The following PBX4 variants were observed in gnomAD, a reference collection of about 807,000 sequenced individuals.
The protein encoded by PBX4 is PBX homeobox 4, also known as pre-B-cell leukemia transcription factor 4.
PBX4 carries 26 observed loss-of-function variants against 35.1 expected under a neutral mutation model. The observed-to-expected ratio is 0.74, with a 90% CI of 0.54 to 1.03. The LOEUF (loss-of-function observed/expected upper bound fraction) is 1.03. PBX4 is among the 50% of genes least tolerant of loss of function. The probability of loss-of-function intolerance (pLI) is 0.00; values close to 1 mark genes in which losing one functional copy is unlikely to be tolerated. For synonymous variants in PBX4, 199 were observed against 204.2 expected (o/e 0.97, Z 0.22); for missense variants, 448 against 504.3 (o/e 0.89, Z 1.07).
Position 19,599,370 on chromosome 19 carries a change from A to G in PBX4, c.120-5T>C. On this transcript the variant is annotated splice_polypyrimidine_tract_variant and splice_region_variant and intron_variant, in intron 1 of 7. Transcript: ENST00000251203. ...TGGCAATTCAGAGCATGCTTTCTGA[A>G]AGGGAGGTGACAGAGGAGGGTGTGA... 6.2e-7 allele frequency: 1 copy of G among 1,611,838 alleles called. No individual in the cohort carries two copies. The highest frequency in any genetic ancestry group is 8.5e-7 in the Non-Finnish European group (1 of 1,178,132).
At chr19:19,605,324 G>T (rs2061623331) in intron 1 of PBX4, among the ~76,000 whole-genome samples, 1 of 151,034 alleles carries the variant, frequency 6.6e-6, no homozygotes, top group Non-Finnish European at 1.5e-5. Flanking sequence ...GCTGAGGCAG[G>T]AGAATCACTT....
intron 2 of PBX4, chr19:19,588,236 C>T (rs2061502904): frequency 7.3e-7 from 1 of 1,362,784 alleles, no homozygotes. Context: ...AGGGCCTCCA[C>T]AGATCACACA....
At chr19:19,574,533 T>C (rs144794347) in intron 2 of PBX4, among the ~76,000 whole-genome samples, 2,297 of 152,224 alleles carry the variant, frequency 0.015, 76 homozygotes, top group South Asian at 0.075. Flanking sequence ...CTCAGTCTCT[T>C]TGGGCTGCAC....
At chr19:19,605,034 A>G (rs1375321411) in intron 1 of PBX4, among the ~76,000 whole-genome samples, 1 of 152,088 alleles carries the variant, frequency 6.6e-6, no homozygotes, top group Admixed American at 6.6e-5. Flanking sequence ...CATCTTCTGG[A>G]AATTTAACTT....
At chr19:19,613,075 G>A (rs988416748) in intron 1 of PBX4, among the ~76,000 whole-genome samples, 6 of 151,736 alleles carry the variant, frequency 4.0e-5, no homozygotes, top group African/African-American at 1.5e-4. Context: ...CTCCTGCCTC[G>A]GCCTCCCAAA....
chr19:19,563,710 C>T lies in PBX4; in HGVS notation c.926-95G>A. Reference sequence around the variant, plus strand: ...AGCCGGCAGGAGGCCTCGAATGTGGCTCCTGCCCCTCCTCAGCATCCGGCC... The same window carrying T: ...AGCCGGCAGGAGGCCTCGAATGTGGTTCCTGCCCCTCCTCAGCATCCGGCC... On this transcript the variant is annotated intron_variant, in intron 6 of 7. Transcript: ENST00000251203. This position sits in a 1 kb window ranked among gnomAD's most constrained non-coding sequence, Gnocchi z 5.1. 9.8e-7 allele frequency: 1 copy of T among 1,018,374 alleles called. No homozygotes were observed. Among genetic ancestry groups the T allele is most frequent in the Non-Finnish European group, 1.5e-6 (1 of 667,378 alleles). The allele number at this position is 1,018,374 out of a possible 1,614,324, so 63.1% of individuals were successfully genotyped here. A position where few individuals can be genotyped will look rare whatever the true frequency, so the allele number is the denominator to read the frequency against.
chr19:19,618,058 G>T (rs886816265), intron 1 of PBX4, among the ~76,000 whole-genome samples: 2 of 152,166 alleles, frequency 1.3e-5, no homozygotes, highest in Admixed American at 6.5e-5. Context: ...CTACTCGGGA[G>T]GCTGAGGCAG....
At chr19:19,601,987 G>A (rs545483906) in intron 1 of PBX4, among the ~76,000 whole-genome samples, 7 of 152,174 alleles carry the variant, frequency 4.6e-5, no homozygotes, top group East Asian at 1.9e-4. Flanking sequence ...CAAGAGGCAC[G>A]CACCAACACA....
intron 1 of PBX4, among the ~76,000 whole-genome samples, chr19:19,602,526 G>A (rs879435948): frequency 9.2e-5 from 14 of 151,958 alleles, no homozygotes; most frequent in South Asian, 4.1e-4. Flanking sequence ...TGCTGTGCCC[G>A]AACTCAAGCA....
intron 2 of PBX4, among the ~76,000 whole-genome samples, chr19:19,598,297 C>CA (rs1555739218): frequency 3.9e-5 from 5 of 129,248 alleles, no homozygotes; most frequent in Non-Finnish European, 7.9e-5. Flanking sequence ...CTTTTCTTTC[C>CA]TTTTTTTTTT....
intron 2 of PBX4, among the ~76,000 whole-genome samples, chr19:19,585,942 G>T (rs2061486125): frequency 6.6e-6 from 1 of 152,178 alleles, no homozygotes; most frequent in Non-Finnish European, 1.5e-5. Flanking sequence ...CTCACAGAAA[G>T]CCTGTTTGGT....
chr19:19,567,139 TG>T (rs2061347620), intron 5 of PBX4, among the ~76,000 whole-genome samples: 1 of 152,178 alleles, frequency 6.6e-6, no homozygotes, highest in African/African-American at 2.4e-5. Flanking sequence ...TTGATCCACA[TG>T]GGAGGCCCCA....
At position 19,599,343 on chromosome 19, in the gene PBX4, G is replaced by T. The variant is rs151162080; in HGVS notation, c.142C>A (p.Arg48=). 4.3e-5 allele frequency: 70 copies of T among 1,613,186 alleles called. No homozygotes were observed. Among genetic ancestry groups the T allele is most frequent in the Non-Finnish European group, 5.8e-5 (69 of 1,179,502 alleles). ...ACGCTGAACAGAGCAGGCTTCATCC[G>T]ATGGCAATTCAGAGCATGCTTTCTG... ...QARKHALNCH[R]MKPALFSVLC... is the part of the protein sequence containing the mutation. The change falls in exon 2 of 8, where the codon CGG becomes AGG. Residue 48 remains arginine, a synonymous_variant. Coordinates refer to ENST00000251203, the MANE Select transcript of PBX4 (RefSeq NM_025245.3).
intron 5 of PBX4, among the ~76,000 whole-genome samples, chr19:19,566,373 A>C (rs1210074886): frequency 6.6e-6 from 1 of 152,222 alleles, no homozygotes; most frequent in Non-Finnish European, 1.5e-5. Flanking sequence ...GGGCAGATTC[A>C]CATGGGTGAG....
At chr19:19,610,242 C>A (rs1421308158) in intron 1 of PBX4, among the ~76,000 whole-genome samples, 1 of 151,938 alleles carries the variant, frequency 6.6e-6, no homozygotes, top group East Asian at 1.9e-4. Context: ...GGAGAAACCT[C>A]GTCTCTACTG....
chr19:19,574,952 T>C (rs553372294), intron 2 of PBX4, among the ~76,000 whole-genome samples: 1 of 152,276 alleles, frequency 6.6e-6, no homozygotes, highest in Admixed American at 6.5e-5. Context: ...CCCAAAGTGC[T>C]GGGATTACAG....
rs558909570 is a variant in PBX4, at chr19:19,562,924, A to G, written c.1032+585T>C. Among the ~76,000 whole-genome samples the G allele has an allele frequency of 8.5e-5, 13 of 152,180 alleles. No individual in the cohort carries two copies. Among genetic ancestry groups the G allele is most frequent in the Non-Finnish European group, 1.8e-4 (12 of 68,000 alleles). ...TTCCCAGGACCAGGTGGGACCCCAC[A>G]GACAGCACAGGAGGCATCCGTTCTC... On this transcript the variant is annotated intron_variant, in intron 7 of 7. Coordinates refer to ENST00000251203, the MANE Select transcript of PBX4 (RefSeq NM_025245.3). This position sits in a 1 kb window ranked among gnomAD's most constrained non-coding sequence, Gnocchi z 4.8.
chr19:19,571,755 G>A (rs929565996), intron 2 of PBX4, among the ~76,000 whole-genome samples: 2 of 152,100 alleles, frequency 1.3e-5, no homozygotes, highest in Non-Finnish European at 2.9e-5. Flanking sequence ...CTTCACGGCC[G>A]GGCACAGTGG....
intron 1 of PBX4, among the ~76,000 whole-genome samples, chr19:19,612,648 T>C (rs1437820697): frequency 1.3e-5 from 2 of 151,996 alleles, no homozygotes; most frequent in Non-Finnish European, 2.9e-5. Context: ...TGGACTTGAG[T>C]GAACTTTAGG....
Sources: allele counts gnomAD v4.1 joint callset (sites outside exome capture counted in the v4.1 genomes callset), GRCh38; gene constraint gnomAD v4.1.1; non-coding constraint Gnocchi (gnomAD v3.1); transcripts MANE v1.5; gene names NCBI Gene and HGNC (gene_info 2026-07-23, HGNC 2026-07-21).